Variants in ANO3 observed in about 807,000 individuals in gnomAD.
ANO3 encodes the protein anoctamin 3.
Under a neutral mutation model 144.8 loss-of-function variants are expected in ANO3, and 99 were observed. The observed-to-expected ratio is 0.68, with a 90% CI of 0.58 to 0.81. The LOEUF is 0.81. Ranked by LOEUF, ANO3 falls within the 30% of genes least tolerant of loss-of-function variation. The pLI, the probability that ANO3 is intolerant of heterozygous loss-of-function variation, is 0.00. For missense variants in ANO3, 905 were observed against 1,202.2 expected (o/e 0.75, Z 3.66); for synonymous variants, 414 against 392.6 (o/e 1.05, Z -0.64).
chr11:26,315,205 T>C (rs777725015), intron 1 of ANO3, among the ~76,000 whole-genome samples: 3 of 152,180 alleles, frequency 2.0e-5, no homozygotes, highest in African/African-American at 4.8e-5. Flanking sequence ...GTATTACCTA[T>C]TATTTCCTAT....
chr11:26,607,856 A>C (rs1014789615), intron 17 of ANO3, among the ~76,000 whole-genome samples: 1 of 152,196 alleles, frequency 6.6e-6, no homozygotes, highest in African/African-American at 2.4e-5. Flanking sequence ...CAAGGTTCTT[A>C]GCTTCTTTGC....
chr11:26,453,050 G>A (rs1859008152), intron 3 of ANO3, among the ~76,000 whole-genome samples: 2 of 151,702 alleles, frequency 1.3e-5, no homozygotes, highest in African/African-American at 2.4e-5. Flanking sequence ...GTCACCACCA[G>A]GCCTGCCCTA....
intron 26 of ANO3, among the ~76,000 whole-genome samples, chr11:26,657,925 C>T (rs578057432): frequency 6.7e-6 from 1 of 148,542 alleles, no homozygotes; most frequent in Admixed American, 6.7e-5. Flanking sequence ...TGTCTATTCA[C>T]TCTGTAGATG....
chr11:26,216,723 A>G (rs910425158), intron 1 of ANO3, among the ~76,000 whole-genome samples: 2 of 152,056 alleles, frequency 1.3e-5, no homozygotes, highest in African/African-American at 4.8e-5. Context: ...GTTCCAGTCT[A>G]CAATTCCACC....
At chr11:26,520,942 T>C (rs1302925704) in intron 6 of ANO3, among the ~76,000 whole-genome samples, 2 of 152,156 alleles carry the variant, frequency 1.3e-5, no homozygotes, top group African/African-American at 2.4e-5. Flanking sequence ...CTTTTCCTAA[T>C]TTCCATGTAA....
chr11:26,369,458 T>G (rs1300730068), intron 1 of ANO3, among the ~76,000 whole-genome samples: 1 of 152,156 alleles, frequency 6.6e-6, no homozygotes, highest in Admixed American at 6.6e-5. Context: ...TTTCAAAATT[T>G]GTTTCAATAT....
chr11:26,570,224 C>T (rs1484713637), intron 14 of ANO3, among the ~76,000 whole-genome samples: 9 of 152,020 alleles, frequency 5.9e-5, no homozygotes, highest in Admixed American at 5.9e-4. Context: ...AGAATGAACA[C>T]GACTTTCGCC....
At chr11:26,594,521 A>G (rs1316006344) in intron 14 of ANO3, among the ~76,000 whole-genome samples, 2 of 152,102 alleles carry the variant, frequency 1.3e-5, no homozygotes, top group Non-Finnish European at 2.9e-5. Context: ...AATTTGCTTC[A>G]AGTCTGAGAG....
intron 4 of ANO3, among the ~76,000 whole-genome samples, chr11:26,464,809 T>TG (rs1859538364): frequency 6.6e-6 from 1 of 151,866 alleles, no homozygotes; most frequent in Admixed American, 6.6e-5. Flanking sequence ...TAGAACATCA[T>TG]GACACACCGG....
At chr11:26,565,056 T>G in intron 14 of ANO3, 1 of 1,102,502 alleles carries the variant, frequency 9.1e-7, no homozygotes, top group South Asian at 2.0e-5. Flanking sequence ...TCCATGCTAT[T>G]GTGTTCTCTT....
intron 1 of ANO3, among the ~76,000 whole-genome samples, chr11:26,302,755 CT>C (rs1342738357): frequency 6.6e-6 from 1 of 152,104 alleles, no homozygotes; most frequent in African/African-American, 2.4e-5. Context: ...ATATTTTCAG[CT>C]TTTGTATGGA....
intron 1 of ANO3, among the ~76,000 whole-genome samples, chr11:26,313,910 C>A (rs1045082349): frequency 7.2e-6 from 1 of 138,304 alleles, no homozygotes; most frequent in South Asian, 2.2e-4. Flanking sequence ...AAAGAGAGTA[C>A]CTAAAAAAGA....
At position 26,270,661 on chromosome 11, in the gene ANO3, T is replaced by C. The variant is rs530087239; in HGVS notation, c.155-38984T>C. 1.3e-4 allele frequency among the ~76,000 whole-genome samples: 20 copies of C among 152,314 alleles called. No homozygotes were observed. In the South Asian group the frequency reaches 3.9e-3, roughly 30 times the overall value. Reference sequence around the variant, plus strand: ...AATTCATTTATTCACTCAATGATTATTGGGAATTCTCTGTTGGCTAAGAAT... The same window carrying C: ...AATTCATTTATTCACTCAATGATTACTGGGAATTCTCTGTTGGCTAAGAAT... On this transcript the variant is annotated intron_variant, in intron 1 of 27. Coordinates refer to the ANO3 transcript ENST00000672621.
At chr11:26,625,832 T>C (rs147040953) in intron 18 of ANO3, among the ~76,000 whole-genome samples, 395 of 152,330 alleles carry the variant, frequency 2.6e-3, no homozygotes, top group African/African-American at 9.1e-3. Context: ...TTTATATTTT[T>C]CTAGAATTTG....
At position 26,559,727 on chromosome 11, in the gene ANO3, T is replaced by C. The variant is rs1198446422; in HGVS notation, c.1395T>C (p.Tyr465=). 1.2e-6 allele frequency: 2 copies of C among 1,611,544 alleles called. No individual in the cohort carries two copies. The highest frequency in any genetic ancestry group is 2.2e-5 in the South Asian group (2 of 91,028). Reference sequence around the variant, plus strand: ...GTTTGTTTTCTACTCAGGTGACATATTTGTTCGATAATGGAGGGACAGTCT... The same window carrying C: ...GTTTGTTTTCTACTCAGGTGACATACTTGTTCGATAATGGAGGGACAGTCT... The part of the protein sequence containing the change: ...NDSCIYAKVT[Y]LFDNGGTVFF... Residue 465 remains tyrosine (Y), a synonymous_variant, in exon 14 of 27, where the codon TAT becomes TAC. Coordinates refer to ENST00000256737, the MANE Select transcript of ANO3 (RefSeq NM_031418.4).
At chr11:26,497,549 T>C (rs1861015131) in intron 4 of ANO3, among the ~76,000 whole-genome samples, 1 of 152,102 alleles carries the variant, frequency 6.6e-6, no homozygotes, top group Non-Finnish European at 1.5e-5. Context: ...ATGGGAAAGA[T>C]TGATCCAAAT....
At chr11:26,496,110 T>A (rs1045146172) in intron 4 of ANO3, among the ~76,000 whole-genome samples, 2 of 152,238 alleles carry the variant, frequency 1.3e-5, no homozygotes, top group Admixed American at 6.5e-5. Flanking sequence ...TTTCCCATTC[T>A]GTTTTGACTT....
chr11:26,332,632 G>A (rs1416249989), intron 1 of ANO3, among the ~76,000 whole-genome samples: 1 of 151,966 alleles, frequency 6.6e-6, no homozygotes, highest in African/African-American at 2.4e-5. Flanking sequence ...GAATAGCTCA[G>A]TAGAGCTCTG....
At chr11:26,363,236 C>G (rs534245580) in intron 1 of ANO3, among the ~76,000 whole-genome samples, 4 of 152,274 alleles carry the variant, frequency 2.6e-5, no homozygotes, top group African/African-American at 9.6e-5. Context: ...AAAAACTCAT[C>G]ATATAATCCA....
Sources: allele counts gnomAD v4.1 joint callset (sites outside exome capture counted in the v4.1 genomes callset), GRCh38; gene constraint gnomAD v4.1.1; transcripts MANE v1.5; gene names NCBI Gene and HGNC (gene_info 2026-07-23, HGNC 2026-07-21).